The following PARPBP variants were observed in gnomAD, a reference collection of about 807,000 sequenced individuals.
The protein encoded by PARPBP is PCNA-interacting partner.
PARPBP carries 52 observed loss-of-function variants against 50.0 expected under a neutral mutation model. That is an observed-to-expected ratio of 1.04 (90% CI 0.83 to 1.31). The LOEUF (loss-of-function observed/expected upper bound fraction) is 1.31, where lower values mean the gene tolerates loss of function less well. Ranked by LOEUF, PARPBP falls within the 50% of genes most tolerant of loss-of-function variation. The pLI, the probability that PARPBP is intolerant of heterozygous loss-of-function variation, is 0.00. For synonymous variants in PARPBP, 244 were observed against 232.1 expected (o/e 1.05, Z -0.47); for missense variants, 697 against 672.0 (o/e 1.04, Z -0.41).
chr12:102,196,560 A>G lies in PARPBP; in HGVS notation c.*269A>G. The G allele has an allele frequency of 1.1e-6, 1 of 915,624 alleles. No individual in the cohort carries two copies. The highest frequency in any genetic ancestry group is 1.3e-5 in the South Asian group (1 of 74,626). 56.7% of individuals were successfully genotyped at this position (915,624 alleles called of 1,614,324 possible). ...TTCTTTTAAAACAGACATTTAACAT[A>G]CACAAGTTATAGTAGCAGTATGGGC... On this transcript the variant is annotated 3_prime_UTR_variant, in exon 11 of 11. Coordinates refer to ENST00000327680, the MANE Select transcript of PARPBP (RefSeq NM_017915.5).
intron 3 of PARPBP, among the ~76,000 whole-genome samples, chr12:102,150,722 C>G (rs1270532281): frequency 6.6e-6 from 1 of 152,164 alleles, no homozygotes; most frequent in African/African-American, 2.4e-5. Flanking sequence ...GGATCAGAGA[C>G]CTGGGGTGAG....
intron 8 of PARPBP, 100 bp downstream of exon 8, chr12:102,178,870 G>A (rs1889557275): frequency 2.8e-6 from 2 of 706,740 alleles, no homozygotes; most frequent in African/African-American, 1.8e-5. Context: ...TACAGAAATT[G>A]TGAAGAAAGA....
In PARPBP at chr12:102,171,148, C is replaced by CT. The variant is rs113616417; in HGVS notation, c.822-4322dup. Among the ~76,000 whole-genome samples the CT allele has an allele frequency of 2.1e-3, 300 of 140,450 alleles. 1 individual carries two copies. Among genetic ancestry groups the CT allele is most frequent in the Middle Eastern group, 0.011 (3 of 280 alleles). 92.1% of individuals were successfully genotyped at this position (140,450 alleles called of 152,430 possible). A position where few individuals can be genotyped will look rare whatever the true frequency, so the allele number is the denominator to read the frequency against. ...CTGCCTGAGACTATTTCAGTTAGTG[C>CT]TTTTTTTTTTTTTAAATAAGTAGAA... On this transcript the variant is annotated intron_variant, in intron 6 of 10. Transcript: ENST00000327680.
chr12:102,181,826 A>C (rs1269576843), intron 8 of PARPBP, among the ~76,000 whole-genome samples: 1 of 152,164 alleles, frequency 6.6e-6, no homozygotes, highest in Non-Finnish European at 1.5e-5. Flanking sequence ...TGGAAGTCTT[A>C]AGATCAAGGC....
intron 7 of PARPBP, among the ~76,000 whole-genome samples, chr12:102,178,216 C>G (rs988738887): frequency 1.3e-5 from 2 of 152,052 alleles, no homozygotes; most frequent in East Asian, 3.8e-4. Flanking sequence ...TCCATGGGGC[C>G]TGTATTCAGA....
intron 10 of PARPBP, 68 bp downstream of exon 10, chr12:102,195,515 G>A (rs1891218678): frequency 2.4e-6 from 3 of 1,234,620 alleles, no homozygotes; most frequent in South Asian, 1.4e-5. Context: ...TTTAACTTAA[G>A]TAAAATTAGG....
At chr12:102,166,385 A>G (rs1011535332) in intron 6 of PARPBP, among the ~76,000 whole-genome samples, 11 of 152,126 alleles carry the variant, frequency 7.2e-5, no homozygotes, top group African/African-American at 2.7e-4. Context: ...ACCCCCATTT[A>G]TAATATTGGT....
intron 2 of PARPBP, among the ~76,000 whole-genome samples, chr12:102,126,648 G>A (rs375152578): frequency 1.3e-4 from 20 of 152,108 alleles, no homozygotes; most frequent in Non-Finnish European, 2.5e-4. Context: ...TTAGCTGGGC[G>A]TAGTGGTAGG....
In PARPBP at chr12:102,196,739, A is replaced by G. The variant is rs752266364; in HGVS notation, c.*448A>G. The G allele has an allele frequency of 2.6e-5, 38 of 1,471,556 alleles. No homozygotes were observed. Among genetic ancestry groups the G allele is most frequent in the Middle Eastern group, 2.3e-4 (1 of 4,424 alleles). 91.2% of individuals were successfully genotyped at this position (1,471,556 alleles called of 1,614,324 possible). A position where few individuals can be genotyped will look rare whatever the true frequency, so the allele number is the denominator to read the frequency against. Reference sequence around the variant, plus strand: ...GAAAGTTTAAATTGTTTAAAGGACTATAATTATCACACAAAATTTATTAAG... The same window carrying G: ...GAAAGTTTAAATTGTTTAAAGGACTGTAATTATCACACAAAATTTATTAAG... On this transcript the variant is annotated 3_prime_UTR_variant, in exon 11 of 11. Coordinates refer to ENST00000327680, the MANE Select transcript of PARPBP (RefSeq NM_017915.5).
intron 9 of PARPBP, among the ~76,000 whole-genome samples, chr12:102,194,430 A>G (rs1215951505): frequency 6.6e-6 from 1 of 151,988 alleles, no homozygotes; most frequent in African/African-American, 2.4e-5. Context: ...CCTGAATGGT[A>G]TTACACATCA....
intron 2 of PARPBP, among the ~76,000 whole-genome samples, chr12:102,147,687 C>G (rs1394143946): frequency 3.3e-5 from 5 of 151,806 alleles, no homozygotes; most frequent in Non-Finnish European, 7.4e-5. Flanking sequence ...GCACATTGTG[C>G]ACATGTACCC....
At chr12:102,145,756 A>G (rs1167400679) in intron 2 of PARPBP, among the ~76,000 whole-genome samples, 3 of 152,226 alleles carry the variant, frequency 2.0e-5, no homozygotes, top group Non-Finnish European at 2.9e-5. Context: ...TTGCCTGATT[A>G]CTAACATCTG....
Position 102,165,794 on chromosome 12 carries a change from T to G in PARPBP, c.732T>G (p.Asp244Glu). The part of the protein sequence containing the change: ...GGKGYAPPPS[D>E]PLRTHVKGLS... ...AAGGATATGCACCACCACCATCAGA[T>G]CCTTTAAGGACACATGTAAAGGGAT... Residue 244 changes from aspartate (D) to glutamate (E), a missense_variant, in exon 6 of 11, where the codon GAT (aspartate) becomes GAG (glutamate). Asp to Glu is a conservative substitution (Grantham distance 45). Transcript: ENST00000327680. The G allele has an allele frequency of 6.2e-7, 1 of 1,600,362 alleles. No homozygotes were observed. The highest frequency in any genetic ancestry group is 1.7e-5 in the Admixed American group (1 of 59,872).
Position 102,193,483 on chromosome 12 carries a change from A to G in PARPBP, c.1264-1829A>G, listed in dbSNP as rs368809424. Among the ~76,000 whole-genome samples the G allele has an allele frequency of 2.9e-4, 44 of 152,036 alleles. No homozygotes were observed. The South Asian group carries it at 2.9e-3, about 10-fold the overall frequency. On this transcript the variant is annotated intron_variant, in intron 9 of 10. Coordinates refer to ENST00000327680, the MANE Select transcript of PARPBP (RefSeq NM_017915.5). ...GATCCAAGCCAGCCACTCAGCATCT[A>G]TTTGCCTGCGTGGTCTTACTATACT...
intron 7 of PARPBP, 100 bp downstream of exon 7, chr12:102,175,766 G>A (rs766705800): frequency 1.2e-5 from 8 of 657,158 alleles, no homozygotes; most frequent in Non-Finnish European, 1.4e-5. Flanking sequence ...TCAGAAGAGT[G>A]TGTTTCCTGT....
intron 8 of PARPBP, among the ~76,000 whole-genome samples, chr12:102,182,125 C>T (rs906598533): frequency 2.6e-5 from 4 of 152,098 alleles, no homozygotes; most frequent in Admixed American, 6.6e-5. Flanking sequence ...AACTGTGCCT[C>T]GAAATTTGAA....
At position 102,148,358 on chromosome 12, in the gene PARPBP, T is replaced by C; in HGVS notation, c.282T>C (p.Ile94=). 6.3e-7 allele frequency: 1 copy of C among 1,588,886 alleles called. No homozygotes were observed. The highest frequency in any genetic ancestry group is 8.6e-7 in the Non-Finnish European group (1 of 1,157,412). The stretch of plus-strand genomic sequence containing the variant: ...ACCATTATGAGGACGTTAGGAAGAT[T>C]TATGATGATTTCTTGAAGAACAGTA... The part of the protein sequence containing the change: ...VTDHYEDVRK[I]YDDFLKNSNM... Residue 94 remains isoleucine, a synonymous_variant, in exon 3 of 11, where the codon ATT becomes ATC. Transcript: ENST00000327680.
At chr12:102,126,664 G>A (rs991447892) in intron 2 of PARPBP, among the ~76,000 whole-genome samples, 13 of 152,290 alleles carry the variant, frequency 8.5e-5, no homozygotes, top group African/African-American at 2.6e-4. Flanking sequence ...GTAGGCGCCT[G>A]TAGTCCCAGC....
chr12:102,143,392 C>G (rs571975506), intron 2 of PARPBP, among the ~76,000 whole-genome samples: 1 of 152,302 alleles, frequency 6.6e-6, no homozygotes, highest in East Asian at 1.9e-4. Context: ...GTCATGGCTT[C>G]CCTTGGCTAG....
Sources: gnomAD v4.1 joint callset for allele counts (sites outside exome capture counted in the v4.1 genomes callset) on GRCh38, gnomAD v4.1.1 for gene constraint, MANE v1.5 for transcripts, NCBI Gene and HGNC (gene_info 2026-07-23, HGNC 2026-07-21) for gene names.